KCNC2: variants seen among roughly 807,000 people sequenced by gnomAD.
KCNC2 encodes potassium voltage-gated channel subfamily C member 2.
KCNC2 carries 21 observed loss-of-function variants against 44.5 expected under a neutral mutation model. The ratio of observed to expected loss-of-function variants is 0.47; its 90% CI spans 0.33 to 0.68. The LOEUF is 0.68. KCNC2 is among the 30% of genes least tolerant of loss of function. KCNC2 has a pLI of 0.01. For synonymous variants in KCNC2, 391 were observed against 339.1 expected, an observed-to-expected ratio of 1.15 and a Z score of -1.68; for missense variants, 589 against 826.2, an observed-to-expected ratio of 0.71 and a Z score of 3.52.
At chr12:75,143,813 A>T (rs978884133) in intron 2 of KCNC2, among the ~76,000 whole-genome samples, 1 of 152,162 alleles carries the variant, frequency 6.6e-6, no homozygotes, top group Admixed American at 6.6e-5. Context: ...CCTTACACAA[A>T]ATCTTCTGTA....
intron 2 of KCNC2, among the ~76,000 whole-genome samples, chr12:75,166,628 C>T (rs1165777316): frequency 6.6e-6 from 1 of 151,124 alleles, no homozygotes; most frequent in Non-Finnish European, 1.5e-5. Context: ...CGATCACAAG[C>T]AATTAACATA....
chr12:75,095,407 AT>A (rs1224210895), intron 2 of KCNC2, among the ~76,000 whole-genome samples: 3 of 151,536 alleles, frequency 2.0e-5, no homozygotes, highest in African/African-American at 7.3e-5. Context: ...CACATTTTGC[AT>A]TTTTCCCCGG....
intron 2 of KCNC2, among the ~76,000 whole-genome samples, chr12:75,074,063 G>T (rs1347544669): frequency 1.3e-5 from 2 of 151,812 alleles, no homozygotes; most frequent in East Asian, 1.9e-4. Flanking sequence ...GTCATAAAAA[G>T]AATAATAAAT....
intron 2 of KCNC2, among the ~76,000 whole-genome samples, chr12:75,058,626 G>A (rs1392070146): frequency 6.6e-6 from 1 of 152,052 alleles, no homozygotes; most frequent in Non-Finnish European, 1.5e-5. Context: ...CTATGGCACT[G>A]CAGTTAAAGC....
chr12:75,174,502 G>A (rs1892050113), intron 2 of KCNC2, among the ~76,000 whole-genome samples: 3 of 151,864 alleles, frequency 2.0e-5, no homozygotes, highest in African/African-American at 7.2e-5. Context: ...TCACCTATGA[G>A]AGAGATGGAA....
At chr12:75,134,610 T>A (rs1889098388) in intron 2 of KCNC2, among the ~76,000 whole-genome samples, 1 of 151,918 alleles carries the variant, frequency 6.6e-6, no homozygotes, top group Non-Finnish European at 1.5e-5. Flanking sequence ...ATTATTCTCC[T>A]TTCATAGATC....
At chr12:75,136,218 C>T (rs1428311384) in intron 2 of KCNC2, among the ~76,000 whole-genome samples, 3 of 151,862 alleles carry the variant, frequency 2.0e-5, no homozygotes, top group Non-Finnish European at 4.4e-5. Context: ...CATTAAATGC[C>T]TACATTTTCT....
At chr12:75,170,398 A>C (rs1891735061) in intron 2 of KCNC2, among the ~76,000 whole-genome samples, 1 of 151,666 alleles carries the variant, frequency 6.6e-6, no homozygotes, top group Non-Finnish European at 1.5e-5. Flanking sequence ...ATCATTCAAA[A>C]CTTTGGGATT....
rs776745718 is a variant in KCNC2, at chr12:75,041,143, G to A, written c.*1962C>T. ...AAGTCTGTTTCCAGTATAGTCCTTG[G>A]TATGGCTAAATTCCACTGTCCCTTT... On this transcript the variant is annotated 3_prime_UTR_variant, in exon 5 of 5. Coordinates refer to ENST00000549446, the MANE Select transcript of KCNC2 (RefSeq NM_139137.4). 2 of 1,596,652 alleles carry A rather than the reference G, an allele frequency of 1.3e-6. No homozygotes were observed. Among genetic ancestry groups the A allele is most frequent in the Non-Finnish European group, 1.7e-6 (2 of 1,178,718 alleles).
intron 2 of KCNC2, 135 bp from the exon 3 acceptor site, chr12:75,051,452 T>A: frequency 3.4e-6 from 2 of 582,586 alleles, no homozygotes; most frequent in Non-Finnish European, 6.0e-6. Context: ...GGATATGACC[T>A]AAGGAAAAGA....
At chr12:75,082,005 A>T (rs1884556779) in intron 2 of KCNC2, among the ~76,000 whole-genome samples, 1 of 152,016 alleles carries the variant, frequency 6.6e-6, no homozygotes, top group South Asian at 2.1e-4. Context: ...CTTGAGAAAC[A>T]ATTTCTGTCT....
At chr12:75,066,607 C>A (rs941094716) in intron 2 of KCNC2, among the ~76,000 whole-genome samples, 1 of 152,154 alleles carries the variant, frequency 6.6e-6, no homozygotes, top group Non-Finnish European at 1.5e-5. Context: ...AACCAGTTTT[C>A]TTTCATCTTA....
At chr12:75,189,809 G>A (rs965942638) in intron 2 of KCNC2, among the ~76,000 whole-genome samples, 2 of 152,160 alleles carry the variant, frequency 1.3e-5, no homozygotes, top group Non-Finnish European at 1.5e-5. Context: ...AGCAGCAATA[G>A]AGGGTTGTCA....
At chr12:75,138,752 G>T (rs992575132) in intron 2 of KCNC2, among the ~76,000 whole-genome samples, 6 of 151,914 alleles carry the variant, frequency 3.9e-5, no homozygotes, top group African/African-American at 1.5e-4. Flanking sequence ...AGGCCGAGGC[G>T]GTCAGATCAC....
rs755665212 is a variant in KCNC2, at chr12:75,051,098, A to G, written c.907T>C (p.Phe303Leu). The change falls in exon 3 of 5, where the codon TTT (phenylalanine) becomes CTT (leucine). Residue 303 changes from phenylalanine to leucine, a missense_variant. By Grantham distance (22) the Phe-to-Leu change is conservative. This residue lies in a region of KCNC2 where 67 missense variants were observed against 237.4 expected (regional missense o/e 0.28). Transcript: ENST00000549446. The part of the protein sequence containing the change: ...FTFEFLVRIV[F>L]SPNKLEFIKN... ...ATGAATTCAAGTTTATTGGGTGAAAAAACAATACGGACTAAAAATTCAAAA... is the reference window on the plus strand; with the variant it reads ...ATGAATTCAAGTTTATTGGGTGAAAGAACAATACGGACTAAAAATTCAAAA... The G allele has an allele frequency of 6.2e-7, 1 of 1,613,702 alleles. No individual in the cohort carries two copies. The highest frequency in any genetic ancestry group is 8.5e-7 in the Non-Finnish European group (1 of 1,179,746).
At chr12:75,063,529 A>G (rs183203334) in intron 2 of KCNC2, among the ~76,000 whole-genome samples, 77 of 152,162 alleles carry the variant, frequency 5.1e-4, no homozygotes, top group African/African-American at 1.6e-3. Flanking sequence ...AAGGTTTTCA[A>G]TGTCCAGAAA....
intron 2 of KCNC2, among the ~76,000 whole-genome samples, chr12:75,148,283 A>T (rs1384252713): frequency 1.3e-5 from 2 of 152,122 alleles, no homozygotes; most frequent in African/African-American, 4.8e-5. Context: ...AAAAGAATAA[A>T]TGACATAACC....
intron 2 of KCNC2, among the ~76,000 whole-genome samples, chr12:75,114,570 C>T (rs561933204): frequency 1.7e-4 from 26 of 152,094 alleles, no homozygotes; most frequent in Middle Eastern, 3.4e-3. Flanking sequence ...AAAAATATAT[C>T]GGGGAAAGGA....
At chr12:75,087,509 A>T (rs1885125743) in intron 2 of KCNC2, among the ~76,000 whole-genome samples, 1 of 152,118 alleles carries the variant, frequency 6.6e-6, no homozygotes, top group South Asian at 2.1e-4. Context: ...TAAAGACAGG[A>T]TACATTTTCT....
Sources: gnomAD v4.1 joint callset for allele counts (sites outside exome capture counted in the v4.1 genomes callset) on GRCh38, gnomAD v4.1.1 for gene constraint, gnomAD v4.1.1 regional missense constraint, MANE v1.5 for transcripts, NCBI Gene and HGNC (gene_info 2026-07-23, HGNC 2026-07-21) for gene names.